Variants in RNF122 observed in about 807,000 individuals in gnomAD.
RNF122 encodes the protein ring finger protein 122.
RNF122 carries 17 observed loss-of-function variants against 24.2 expected under a neutral mutation model. The observed-to-expected ratio is 0.70, with a 90% CI of 0.48 to 1.06. The LOEUF (loss-of-function observed/expected upper bound fraction) is 1.06. RNF122 is among the 50% of genes least tolerant of loss of function. The pLI is 0.00. For missense variants in RNF122, 168 were observed against 198.1 expected, an observed-to-expected ratio of 0.85 and a Z score of 0.91; for synonymous variants, 65 against 71.8, an observed-to-expected ratio of 0.91 and a Z score of 0.48.
At chr8:33,563,118 A>G (rs1305947519) in intron 1 of RNF122, among the ~76,000 whole-genome samples, 1 of 31,096 alleles carries the variant, frequency 3.2e-5, no homozygotes, top group Admixed American at 2.4e-4. Context: ...AGAAAAAAAG[A>G]AAAAAAAAAA....
chr8:33,564,196 G>T (rs967823261), intron 1 of RNF122, among the ~76,000 whole-genome samples: 1 of 152,096 alleles, frequency 6.6e-6, no homozygotes, highest in Non-Finnish European at 1.5e-5. Flanking sequence ...AAGGGGTGAG[G>T]GAAGGGTTGC....
Position 33,566,662 on chromosome 8 carries a change from G to A in RNF122, c.25+37C>T, listed in dbSNP as rs541399229. ...GCACCCCGCGCCGCGGCTCCCACCA[G>A]CCCCACGTAGGCTCGGCCCTCGCCC... On this transcript the variant is annotated intron_variant, in intron 1 of 5. Coordinates refer to ENST00000256257, the MANE Select transcript of RNF122 (RefSeq NM_024787.3). The A allele has an allele frequency of 1.3e-4, 214 of 1,587,016 alleles. 3 individuals carry two copies. In the South Asian group the frequency reaches 2.3e-3, roughly 17 times the overall value.
intron 1 of RNF122, among the ~76,000 whole-genome samples, chr8:33,560,668 G>A (rs1192010151): frequency 6.6e-6 from 1 of 152,072 alleles, no homozygotes; most frequent in Non-Finnish European, 1.5e-5. Flanking sequence ...CAGGCATGGT[G>A]TCTCACGCCT....
At chr8:33,551,164 G>C in intron 3 of RNF122, 79 bp from the exon 4 acceptor site, 2 of 1,529,562 alleles carry the variant, frequency 1.3e-6, no homozygotes, top group Non-Finnish European at 1.8e-6. Flanking sequence ...CCAATGAAGG[G>C]AGTCCCCTGG....
intron 1 of RNF122, among the ~76,000 whole-genome samples, chr8:33,561,194 C>CT (rs957186667): frequency 2.0e-5 from 3 of 152,182 alleles, no homozygotes; most frequent in Non-Finnish European, 4.4e-5. Context: ...AAAGGGTTCT[C>CT]TGTACCCAGG....
chr8:33,558,383 G>A (rs1810486543), intron 2 of RNF122, among the ~76,000 whole-genome samples: 1 of 152,158 alleles, frequency 6.6e-6, no homozygotes, highest in Admixed American at 6.5e-5. Context: ...GTGGGATGCA[G>A]CCCAACCCGT....
At chr8:33,552,175 C>T (rs1039959187) in intron 2 of RNF122, among the ~76,000 whole-genome samples, 5 of 151,954 alleles carry the variant, frequency 3.3e-5, no homozygotes, top group African/African-American at 7.2e-5. Context: ...TTTGGGAGGC[C>T]GAGGCAGGTG....
At chr8:33,564,962 T>C (rs1450030308) in intron 1 of RNF122, among the ~76,000 whole-genome samples, 1 of 152,254 alleles carries the variant, frequency 6.6e-6, no homozygotes, top group East Asian at 1.9e-4. Flanking sequence ...GCAGTGTTAC[T>C]GACAGCTGCC....
chr8:33,564,526 T>A (rs116802397), intron 1 of RNF122, among the ~76,000 whole-genome samples: 7,602 of 151,984 alleles, frequency 0.05, 647 homozygotes, highest in African/African-American at 0.17. Context: ...TGAGCCCTGA[T>A]CGTGCCACTG....
chr8:33,551,322 T>C lies in RNF122; in HGVS notation c.228+22A>G, dbSNP rs1478467426. 5 of 1,613,916 alleles carry C rather than the reference T, an allele frequency of 3.1e-6. No homozygotes were observed. In the South Asian group the frequency reaches 4.4e-5, roughly 14 times the overall value. The stretch of plus-strand genomic sequence containing the variant: ...CAGGTCAGGCAGAGAAGGAAGCTTC[T>C]GGGAAACACGCAGCACTTTACCTCC... On this transcript the variant is annotated intron_variant, in intron 3 of 5. Transcript: ENST00000256257.
chr8:33,553,842 G>A (rs149414844), intron 2 of RNF122, among the ~76,000 whole-genome samples: 123 of 152,324 alleles, frequency 8.1e-4, no homozygotes, highest in African/African-American at 2.8e-3. Flanking sequence ...CGAGGTTCAT[G>A]TTCCTGGAGC....
Position 33,549,438 on chromosome 8 carries a change from G to A in RNF122, c.325C>T (p.Leu109Phe), listed in dbSNP as rs771445709. The part of the protein sequence containing the change: ...DFKGKDELGV[L>F]PCQHAFHRKC... ...CGGTGAAAGGCGTGTTGGCACGGGA[G>A]CACGCCTAACTCATCCTTCCCCTTG... is the stretch of plus-strand genomic sequence containing the variant. The change falls in exon 5 of 6, where the codon CTC becomes TTC. Residue 109 changes from leucine to phenylalanine, a missense_variant. Leu to Phe is a conservative substitution (Grantham distance 22). Coordinates refer to ENST00000256257, the MANE Select transcript of RNF122 (RefSeq NM_024787.3). The A allele has an allele frequency of 6.2e-7, 1 of 1,613,964 alleles. No individual in the cohort carries two copies. The highest frequency in any genetic ancestry group is 1.3e-5 in the African/African-American group (1 of 74,934).
intron 1 of RNF122, among the ~76,000 whole-genome samples, chr8:33,566,419 A>G (rs1810624330): frequency 6.6e-6 from 1 of 152,216 alleles, no homozygotes; most frequent in South Asian, 2.1e-4. Context: ...GGGGTAGAAG[A>G]GCCGGGCCGC....
At chr8:33,561,513 C>T (rs1450700775) in intron 1 of RNF122, among the ~76,000 whole-genome samples, 1 of 151,932 alleles carries the variant, frequency 6.6e-6, no homozygotes, top group African/African-American at 2.4e-5. Flanking sequence ...ATTTACCCCA[C>T]ACGCCTGACA....
At position 33,548,012 on chromosome 8, in the gene RNF122, CT is replaced by C. The variant is rs1810312468; in HGVS notation, c.*740del. The C allele has an allele frequency of 6.9e-6, 1 of 144,132 alleles. No individual in the cohort carries two copies. The highest frequency in any genetic ancestry group is 2.7e-5 in the African/African-American group (1 of 37,532). The allele number at this position is 144,132 out of a possible 1,614,324, so 8.9% of individuals were successfully genotyped here. A position where few individuals can be genotyped will look rare whatever the true frequency, so the allele number is the denominator to read the frequency against. On this transcript the variant is annotated 3_prime_UTR_variant, in exon 6 of 6. Transcript: ENST00000256257. Reference sequence around the variant, plus strand: ...AAAAAAAAAAAAAAAAAAAAGGCCCCTGGGAATCAATTTAAGTATAGAACTA... The same window carrying C: ...AAAAAAAAAAAAAAAAAAAAGGCCCCGGGAATCAATTTAAGTATAGAACTA...
rs375066639 is a variant in RNF122, at chr8:33,555,334, CTGGGATTACAGG to C, written c.182+3269_182+3280del. ...TCTCCTGCCTCAGCCTCCCAAGTAG[CTGGGATTACAGG>C]TGCCTGCCACAGCACCCGGCTAATT... is the stretch of plus-strand genomic sequence containing the variant. On this transcript the variant is annotated intron_variant, in intron 2 of 5. Transcript: ENST00000256257. Among the ~76,000 whole-genome samples, 458 of 152,222 alleles carry C rather than the reference CTGGGATTACAGG, an allele frequency of 3.0e-3. 2 individuals carry two copies. The highest frequency in any genetic ancestry group is 0.01 in the African/African-American group (429 of 41,540).
intron 5 of RNF122, among the ~76,000 whole-genome samples, chr8:33,549,190 C>T (rs1810333630): frequency 7.0e-6 from 1 of 141,932 alleles, no homozygotes; most frequent in Non-Finnish European, 1.5e-5. Context: ...CATTGCACTC[C>T]AGCCTAGGCA....
At chr8:33,550,976 G>C in intron 4 of RNF122, 68 bp downstream of exon 4, 2 of 1,488,306 alleles carry the variant, frequency 1.3e-6, no homozygotes. Flanking sequence ...TCCAGGCAGA[G>C]AACTGGAGCA....
In RNF122 at chr8:33,558,723, A is replaced by G. The variant is rs1810494274; in HGVS notation, c.74T>C (p.Met25Thr). 1 of 1,611,320 alleles carries G rather than the reference A, an allele frequency of 6.2e-7. No individual in the cohort carries two copies. Among genetic ancestry groups the G allele is most frequent in the Middle Eastern group, 1.7e-4 (1 of 6,048 alleles). The change falls in exon 2 of 6, where the codon ATG becomes ACG. Residue 25 changes from methionine to threonine, a missense_variant. Met to Thr is a moderately conservative substitution (Grantham distance 81). Coordinates refer to ENST00000256257, the MANE Select transcript of RNF122 (RefSeq NM_024787.3). The part of the protein sequence containing the change: ...GLVSTNKSCS[M>T]PPISFQDLPL... ...AAGGTCCTGGAAACTGATGGGTGGC[A>G]TCGAGCAGGACTTGTTGGTGCTAAC...
Sources: gnomAD v4.1 joint callset for allele counts (sites outside exome capture counted in the v4.1 genomes callset) on GRCh38, gnomAD v4.1.1 for gene constraint, MANE v1.5 for transcripts, NCBI Gene and HGNC (gene_info 2026-07-23, HGNC 2026-07-21) for gene names.